Variants in EIPR1 observed in about 807,000 individuals in gnomAD.
The protein encoded by EIPR1 is EARP and GARP complex-interacting protein 1.
A neutral mutation model predicts 48.1 loss-of-function variants in EIPR1; 25 were observed. The ratio of observed to expected loss-of-function variants is 0.52; its 90% CI spans 0.38 to 0.73. The LOEUF is 0.73. Among genes scored for constraint, EIPR1 ranks in the 30% least tolerant of loss-of-function variants. The pLI is 0.00. For missense variants in EIPR1, 415 were observed against 506.2 expected (o/e 0.82, Z 1.73); for synonymous variants, 204 against 201.9 (o/e 1.01, Z -0.09).
intron 1 of EIPR1, among the ~76,000 whole-genome samples, chr2:3,372,629 G>C (rs7598496): frequency 0.072 from 10,967 of 152,186 alleles, 397 homozygotes; most frequent in African/African-American, 0.091. Flanking sequence ...AGAAAATCTA[G>C]AAGAAATGGA....
At chr2:3,249,525 G>T (rs1224903324) in intron 4 of EIPR1, among the ~76,000 whole-genome samples, 1 of 152,204 alleles carries the variant, frequency 6.6e-6, no homozygotes, top group Non-Finnish European at 1.5e-5. Flanking sequence ...ATAATGTTTG[G>T]AAAAGTCACA....
At chr2:3,371,449 G>A (rs922513658) in intron 1 of EIPR1, among the ~76,000 whole-genome samples, 1 of 152,134 alleles carries the variant, frequency 6.6e-6, no homozygotes, top group African/African-American at 2.4e-5. Context: ...ATTGGATAAA[G>A]AGTCAAGACC....
intron 4 of EIPR1, among the ~76,000 whole-genome samples, chr2:3,217,957 C>T (rs933884185): frequency 7.9e-5 from 12 of 151,510 alleles, no homozygotes; most frequent in Non-Finnish European, 1.6e-4. Flanking sequence ...ACACGTGAGT[C>T]CGGGGCACAC....
At chr2:3,239,414 T>C (rs1051495719) in intron 4 of EIPR1, among the ~76,000 whole-genome samples, 4 of 152,202 alleles carry the variant, frequency 2.6e-5, no homozygotes, top group African/African-American at 9.6e-5. Context: ...AAAATGACCA[T>C]CTCTGTGGTT....
In EIPR1 at chr2:3,327,333, A is replaced by G. The variant is rs377603624; in HGVS notation, c.259+10684T>C. ...CGAGTAGCTGGGACTACAGGCACGC[A>G]CCACCACACCCGGCTAATTTTTGTA... On this transcript the variant is annotated intron_variant, in intron 3 of 8. Coordinates refer to ENST00000382125, the MANE Select transcript of EIPR1 (RefSeq NM_003310.5). Among the ~76,000 whole-genome samples, 185 of 152,150 alleles carry G rather than the reference A, an allele frequency of 1.2e-3. 1 individual carries two copies. The highest frequency in any genetic ancestry group is 4.4e-3 in the African/African-American group (184 of 41,494).
chr2:3,359,355 C>T (rs1021850043), intron 1 of EIPR1, among the ~76,000 whole-genome samples: 7 of 152,104 alleles, frequency 4.6e-5, no homozygotes, highest in Non-Finnish European at 8.8e-5. Flanking sequence ...CAATTTACTC[C>T]ACTCTAAAGC....
intron 4 of EIPR1, among the ~76,000 whole-genome samples, chr2:3,226,129 G>A (rs1383667171): frequency 6.6e-6 from 1 of 152,194 alleles, no homozygotes; most frequent in Non-Finnish European, 1.5e-5. Flanking sequence ...TTGAGCTAAT[G>A]ATTTCATTTC....
At chr2:3,329,763 G>A (rs1048042936) in intron 3 of EIPR1, among the ~76,000 whole-genome samples, 25 of 147,330 alleles carry the variant, frequency 1.7e-4, no homozygotes, top group Non-Finnish European at 1.3e-4. Flanking sequence ...CAGGGTATTA[G>A]CCTGGGTTCC....
At chr2:3,190,120 C>T (rs562330518) in intron 8 of EIPR1, among the ~76,000 whole-genome samples, 6 of 152,070 alleles carry the variant, frequency 3.9e-5, no homozygotes, top group African/African-American at 7.2e-5. Flanking sequence ...TTTCCCACCT[C>T]GCCTCCCTTG....
intron 4 of EIPR1, among the ~76,000 whole-genome samples, chr2:3,246,808 G>A (rs1169897583): frequency 1.7e-5 from 1 of 59,340 alleles, no homozygotes; most frequent in African/African-American, 7.5e-5. Context: ...AGGGAGGCAG[G>A]GAGGGAGGGA....
chr2:3,274,354 T>C (rs1426809520), intron 3 of EIPR1: 1 of 1,550,534 alleles, frequency 6.4e-7, no homozygotes, highest in Non-Finnish European at 8.7e-7. Flanking sequence ...GCCAGTGCTA[T>C]GAACAGTTGG....
rs770698938 is a variant in EIPR1 at position 3,338,096 on chromosome 2, G to A, written c.180C>T (p.Leu60=). ...DENNIINKNV[L]LHQAGEIWHI... is the part of the protein sequence containing the mutation. ...GCCAGATTTCACCCGCTTGATGGAG[G>A]AGGACATTTTTATTTATAATGTTGT... The change falls in exon 3 of 9, where the codon CTC becomes CTT. Residue 60 remains leucine, a synonymous_variant. Coordinates refer to ENST00000382125, the MANE Select transcript of EIPR1 (RefSeq NM_003310.5). 2 of 1,612,988 alleles carry A rather than the reference G, an allele frequency of 1.2e-6. No homozygotes were observed. Among genetic ancestry groups the A allele is most frequent in the Admixed American group, 3.4e-5 (2 of 59,606 alleles).
intron 4 of EIPR1, among the ~76,000 whole-genome samples, chr2:3,218,451 T>TA (rs1665728371): frequency 1.4e-5 from 2 of 147,620 alleles, no homozygotes; most frequent in African/African-American, 5.0e-5. Flanking sequence ...ACGGCCCCGA[T>TA]ACGCTCTAGA....
chr2:3,194,037 G>C lies in EIPR1; in HGVS notation c.783C>G (p.Val261=). The C allele has an allele frequency of 6.2e-7, 1 of 1,613,882 alleles. No homozygotes were observed. Among genetic ancestry groups the C allele is most frequent in the Non-Finnish European group, 8.5e-7 (1 of 1,180,010 alleles). The change falls in exon 7 of 9, where the codon GTC becomes GTG. Residue 261 remains valine (V), a synonymous_variant. Coordinates refer to ENST00000382125, the MANE Select transcript of EIPR1 (RefSeq NM_003310.5). The stretch of plus-strand genomic sequence containing the variant: ...CCTCCAGGGTCTTCACGGGTTCGGT[G>C]ACATTTCGGGTGTCCCAGAACTTCA... ...CKVKFWDTRN[V]TEPVKTLEEH...
At chr2:3,289,248 GTC>G (rs1239338968) in intron 3 of EIPR1, among the ~76,000 whole-genome samples, 1 of 152,098 alleles carries the variant, frequency 6.6e-6, no homozygotes, top group Non-Finnish European at 1.5e-5. Context: ...TCATTTCGCT[GTC>G]TCTCTCTTCT....
chr2:3,244,370 G>C (rs1292003517), intron 4 of EIPR1, among the ~76,000 whole-genome samples: 1 of 151,982 alleles, frequency 6.6e-6, no homozygotes, highest in African/African-American at 2.4e-5. Context: ...ATACCTTCAG[G>C]CATAACATTT....
At chr2:3,342,927 C>G (rs537443073) in intron 2 of EIPR1, among the ~76,000 whole-genome samples, 27 of 152,360 alleles carry the variant, frequency 1.8e-4, no homozygotes, top group Admixed American at 9.2e-4. Context: ...AGGATGCCAT[C>G]AACCACCATG....
At chr2:3,290,561 T>TA (rs1360494933) in intron 3 of EIPR1, among the ~76,000 whole-genome samples, 1 of 152,148 alleles carries the variant, frequency 6.6e-6, no homozygotes, top group African/African-American at 2.4e-5. Context: ...AAAATAGACT[T>TA]AGTCTTTGTA....
At chr2:3,296,786 G>GCA (rs1668615152) in intron 3 of EIPR1, among the ~76,000 whole-genome samples, 2 of 151,310 alleles carry the variant, frequency 1.3e-5, no homozygotes, top group South Asian at 4.2e-4. Context: ...TTCCCTCTCT[G>GCA]CACACACACT....
Sources: gnomAD v4.1 joint callset for allele counts (sites outside exome capture counted in the v4.1 genomes callset) on GRCh38, gnomAD v4.1.1 for gene constraint, MANE v1.5 for transcripts, NCBI Gene and HGNC (gene_info 2026-07-23, HGNC 2026-07-21) for gene names.